Variants in FRS2 observed in about 807,000 individuals in gnomAD.
The protein encoded by FRS2 is FGFR signalling adaptor.
A neutral mutation model predicts 43.9 loss-of-function variants in FRS2; 8 were observed. The observed-to-expected ratio is 0.18, with a 90% confidence interval of 0.11 to 0.33. The LOEUF is 0.33. FRS2 is among the 10% of genes least tolerant of loss of function. FRS2 has a pLI of 1.00. For synonymous variants in FRS2, 219 were observed against 220.3 expected (o/e 0.99, Z 0.05); for missense variants, 534 against 627.6 (o/e 0.85, Z 1.59).
chr12:69,540,646 G>A (rs1193066247), intron 3 of FRS2, among the ~76,000 whole-genome samples: 3 of 152,168 alleles, frequency 2.0e-5, no homozygotes, highest in Admixed American at 2.0e-4. Flanking sequence ...TTTCCTCATG[G>A]TGAAACACAA....
At chr12:69,552,862 A>G (rs1593041111) in intron 3 of FRS2, among the ~76,000 whole-genome samples, 1 of 151,920 alleles carries the variant, frequency 6.6e-6, no homozygotes, top group Non-Finnish European at 1.5e-5. Context: ...GTTGCGCTCC[A>G]GCCTGGGTGA....
chr12:69,473,204 G>A (rs1870465688), intron 1 of FRS2, among the ~76,000 whole-genome samples: 1 of 152,206 alleles, frequency 6.6e-6, no homozygotes, highest in Non-Finnish European at 1.5e-5. Context: ...TAATAATGAG[G>A]ACAGTGAGGC....
At chr12:69,538,316 C>T (rs1481687409) in intron 3 of FRS2, among the ~76,000 whole-genome samples, 1 of 149,030 alleles carries the variant, frequency 6.7e-6, no homozygotes, top group Admixed American at 6.7e-5. Flanking sequence ...TACCATGTTG[C>T]TAGAAATAGA....
chr12:69,543,856 A>G (rs552533789), intron 3 of FRS2, among the ~76,000 whole-genome samples: 3 of 152,290 alleles, frequency 2.0e-5, no homozygotes, highest in African/African-American at 7.2e-5. Flanking sequence ...TTTAAGGTAC[A>G]TGATCAGTAG....
chr12:69,548,854 A>C (rs988730397), intron 3 of FRS2, among the ~76,000 whole-genome samples: 4 of 152,194 alleles, frequency 2.6e-5, no homozygotes, highest in African/African-American at 9.7e-5. Flanking sequence ...AGAGCTGCCT[A>C]ACAGGGGCCA....
intron 1 of FRS2, among the ~76,000 whole-genome samples, chr12:69,485,095 A>ACACACACACACACACACACACGCG: frequency 7.5e-6 from 1 of 133,352 alleles, no homozygotes; most frequent in Non-Finnish European, 1.5e-5. Flanking sequence ...ACACACACAC[A>ACACACACACACACACACACACGCG]CACACACACA....
At chr12:69,535,475 A>T (rs1017200363) in intron 3 of FRS2, among the ~76,000 whole-genome samples, 1 of 152,152 alleles carries the variant, frequency 6.6e-6, no homozygotes, top group South Asian at 2.1e-4. Flanking sequence ...ATTATTTTTC[A>T]TAATCAGATA....
chr12:69,513,472 G>T (rs1456286495), intron 1 of FRS2, among the ~76,000 whole-genome samples: 7 of 152,104 alleles, frequency 4.6e-5, no homozygotes, highest in Admixed American at 4.6e-4. Flanking sequence ...AAAATTAACA[G>T]ATTTGAGCTG....
intron 1 of FRS2, among the ~76,000 whole-genome samples, chr12:69,472,309 T>TCTTGAA (rs940420377): frequency 4.7e-5 from 7 of 150,118 alleles, no homozygotes; most frequent in Admixed American, 1.3e-4. Flanking sequence ...CCCAGGCTGG[T>TCTTGAA]CTTGAACTCC....
rs1431405297 is a variant in FRS2 at position 69,572,146 on chromosome 12, T to G, written c.441T>G (p.Pro147=). The change falls in exon 8 of 9, where the codon CCT becomes CCG. Residue 147 remains proline, a synonymous_variant. Transcript: ENST00000549921. ...TTPGFAAQNL[P]NGYPRYPSFG... is the part of the protein sequence containing the mutation. Reference sequence around the variant, plus strand: ...CAGGATTTGCTGCTCAGAACTTACCTAATGGATATCCCCGATATCCCTCAT... The same window carrying G: ...CAGGATTTGCTGCTCAGAACTTACCGAATGGATATCCCCGATATCCCTCAT... 6.2e-7 allele frequency: 1 copy of G among 1,613,740 alleles called. No homozygotes were observed. Among genetic ancestry groups the G allele is most frequent in the African/African-American group, 1.3e-5 (1 of 74,906 alleles).
intron 1 of FRS2, among the ~76,000 whole-genome samples, chr12:69,522,633 T>C (rs1241383583): frequency 6.6e-6 from 1 of 152,212 alleles, no homozygotes; most frequent in East Asian, 1.9e-4. Flanking sequence ...TGTCTTCTGC[T>C]AGCTTTGGAG....
intron 4 of FRS2, among the ~76,000 whole-genome samples, chr12:69,567,910 A>C (rs759367382): frequency 2.0e-5 from 3 of 152,226 alleles, no homozygotes; most frequent in Non-Finnish European, 2.9e-5. Context: ...ATCATACTGA[A>C]GAGTTTATAC....
At chr12:69,539,949 C>T (rs1337508105) in intron 3 of FRS2, among the ~76,000 whole-genome samples, 11 of 150,936 alleles carry the variant, frequency 7.3e-5, no homozygotes, top group South Asian at 6.3e-4. Flanking sequence ...TGCGGGACTC[C>T]GTCTCAAAAA....
At chr12:69,524,950 G>C (rs1375321344) in intron 1 of FRS2, among the ~76,000 whole-genome samples, 1 of 152,132 alleles carries the variant, frequency 6.6e-6, no homozygotes, top group East Asian at 1.9e-4. Context: ...GTGCCTGGTA[G>C]CCCTGTGTAG....
At chr12:69,549,768 G>T (rs1261499598) in intron 3 of FRS2, among the ~76,000 whole-genome samples, 1 of 152,160 alleles carries the variant, frequency 6.6e-6, no homozygotes, top group East Asian at 1.9e-4. Flanking sequence ...CTCCACACTG[G>T]TTTCTACAGT....
At position 69,577,927 on chromosome 12, in the gene FRS2, G is replaced by A. The variant is rs1881297902; in HGVS notation, c.*2972G>A. On this transcript the variant is annotated 3_prime_UTR_variant, in exon 9 of 9. Transcript: ENST00000549921. ...AATCTTTGTTTTTATAGATACTAAT[G>A]TTGACCCTCTCCAGCGTTCAATGTT... 6.6e-6 allele frequency: 1 copy of A among 152,486 alleles called. No homozygotes were observed. The highest frequency in any genetic ancestry group is 1.5e-5 in the Non-Finnish European group (1 of 67,972). The allele number at this position is 152,486 out of a possible 1,614,324, so 9.4% of individuals were successfully genotyped here. A position where few individuals can be genotyped will look rare whatever the true frequency, so the allele number is the denominator to read the frequency against.
At chr12:69,552,898 A>G (rs1044896573) in intron 3 of FRS2, among the ~76,000 whole-genome samples, 1 of 152,138 alleles carries the variant, frequency 6.6e-6, no homozygotes, top group Non-Finnish European at 1.5e-5. Context: ...TCTCAAAAAA[A>G]AAAAAAGTAA....
Position 69,570,448 on chromosome 12 carries a change from C to G in FRS2, c.184C>G (p.Leu62Val). The change falls in exon 6 of 9, where the codon CTG becomes GTG. Residue 62 changes from leucine to valine, a missense_variant. Physicochemically the swap from Leu to Val is conservative, Grantham distance 32. Around this residue, in one of 3 missense-constraint regions of FRS2, gnomAD observed 76 missense variants for 90.5 expected, o/e 0.84. Transcript: ENST00000549921. ...RDSVKWHYLC[L>V]RRYGYDSNLF... Reference sequence around the variant, plus strand: ...CTCAGTAAAATGGCACTACCTCTGCCTGCGACGCTATGGCTATGACTCGAA... The same window carrying G: ...CTCAGTAAAATGGCACTACCTCTGCGTGCGACGCTATGGCTATGACTCGAA... 6.2e-7 allele frequency: 1 copy of G among 1,612,822 alleles called. No homozygotes were observed. The highest frequency in any genetic ancestry group is 1.1e-5 in the South Asian group (1 of 91,044).
At chr12:69,481,592 A>G (rs1871349313) in intron 1 of FRS2, among the ~76,000 whole-genome samples, 1 of 152,148 alleles carries the variant, frequency 6.6e-6, no homozygotes, top group African/African-American at 2.4e-5. Flanking sequence ...TGGCCCGAGA[A>G]ATTTAACGTT....
Sources: allele counts gnomAD v4.1 joint callset (sites outside exome capture counted in the v4.1 genomes callset), GRCh38; gene constraint gnomAD v4.1.1; regional missense constraint gnomAD v4.1.1; transcripts MANE v1.5; gene names NCBI Gene and HGNC (gene_info 2026-07-23, HGNC 2026-07-21).